SERPINA1: variants seen among roughly 807,000 people sequenced by gnomAD.
SERPINA1 encodes the protein serpin family A member 1, also known as alpha-1-antitrypsin.
In SERPINA1, 21 loss-of-function variants were observed where a neutral mutation model predicts 25.4. The ratio of observed to expected loss-of-function variants is 0.83; its 90% CI spans 0.59 to 1.19. The LOEUF (loss-of-function observed/expected upper bound fraction) is 1.19, where lower values mean the gene tolerates loss of function less well. Among genes scored for constraint, SERPINA1 ranks in the 50% most tolerant of loss-of-function variants. The pLI, the probability that SERPINA1 is intolerant of heterozygous loss-of-function variation, is 0.00. For synonymous variants in SERPINA1, 218 were observed against 211.1 expected, an observed-to-expected ratio of 1.03 and a Z score of -0.29; for missense variants, 546 against 509.0, an observed-to-expected ratio of 1.07 and a Z score of -0.70.
chr14:94,387,041 G>T (rs910244288), intron 1 of SERPINA1, among the ~76,000 whole-genome samples: 1 of 152,196 alleles, frequency 6.6e-6, no homozygotes, highest in Non-Finnish European at 1.5e-5. Context: ...TGTTTTGTCT[G>T]GGATTAAACA....
rs1555369198 is a variant in SERPINA1, at chr14:94,383,048, G to T, written c.190C>A (p.Gln64Lys). The T allele has an allele frequency of 1.2e-6, 2 of 1,613,292 alleles. No individual in the cohort carries two copies. Among genetic ancestry groups the T allele is most frequent in the Admixed American group, 3.3e-5 (2 of 60,018 alleles). ...LAEFAFSLYR[Q>K]LAHQSNSTNI... ...GTGCTGTTGGACTGGTGTGCCAGCT[G>T]GCGGTATAGGCTGAAGGCGAACTCA... Residue 64 changes from glutamine (Q) to lysine (K), a missense_variant, in exon 2 of 5, where the codon CAG (glutamine) becomes AAG (lysine). Gln to Lys is a moderately conservative substitution (Grantham distance 53, BLOSUM62 1). Coordinates refer to ENST00000393087, the MANE Select transcript of SERPINA1 (RefSeq NM_000295.5).
At chr14:94,378,734 C>T in intron 4 of SERPINA1, 94 bp from the exon 5 acceptor site, 2 of 1,269,148 alleles carry the variant, frequency 1.6e-6, no homozygotes, top group Non-Finnish European at 2.2e-6. Flanking sequence ...CTCACTCCCC[C>T]TGGACGGCCC....
chr14:94,387,681 C>T (rs1412795322), intron 1 of SERPINA1, among the ~76,000 whole-genome samples: 1 of 152,184 alleles, frequency 6.6e-6, no homozygotes, highest in Non-Finnish European at 1.5e-5. Context: ...AACAGTGACA[C>T]TAGGGCCAGG....
intron 1 of SERPINA1, among the ~76,000 whole-genome samples, chr14:94,388,222 G>A (rs973218223): frequency 6.6e-6 from 1 of 152,162 alleles, no homozygotes; most frequent in Non-Finnish European, 1.5e-5. Context: ...AAATGGCTGC[G>A]CTTTGTTGCT....
chr14:94,381,129 C>G lies in SERPINA1; in HGVS notation c.659G>C (p.Arg220Thr). Residue 220 changes from arginine (R) to threonine (T), a missense_variant, in exon 3 of 5, where the codon AGA (arginine) becomes ACA (threonine). Transcript: ENST00000393087. ...CTCGGTGTCCTTGACTTCAAAGGGT[C>G]TCTCCCATTTGCCTGGAGAGAGGGG... The part of the protein sequence containing the change: ...NYIFFKGKWE[R>T]PFEVKDTEEE... 6.2e-7 allele frequency: 1 copy of G among 1,612,556 alleles called. No individual in the cohort carries two copies. Among genetic ancestry groups the G allele is most frequent in the Middle Eastern group, 1.7e-4 (1 of 5,960 alleles).
At chr14:94,387,582 A>G (rs1221526681) in intron 1 of SERPINA1, among the ~76,000 whole-genome samples, 1 of 152,200 alleles carries the variant, frequency 6.6e-6, no homozygotes, top group Non-Finnish European at 1.5e-5. Flanking sequence ...AGAGAGGTTG[A>G]GCAACTGTCT....
At chr14:94,378,767 C>T (rs1409784495) in intron 4 of SERPINA1, 127 bp from the exon 5 acceptor site, 2 of 997,838 alleles carry the variant, frequency 2.0e-6, no homozygotes, top group Non-Finnish European at 3.1e-6. Flanking sequence ...TCCTCTCCCT[C>T]CCTGTCACAT....
In SERPINA1 at chr14:94,382,963, G is replaced by A. The variant is rs1490133295; in HGVS notation, c.275C>T (p.Thr92Ile). The A allele has an allele frequency of 1.5e-5, 24 of 1,608,496 alleles. No individual in the cohort carries two copies. In the Admixed American group the frequency reaches 3.8e-4, roughly 26 times the overall value. Residue 92 changes from threonine to isoleucine, a missense_variant, in exon 2 of 5, where the codon ACC becomes ATC. Thr to Ile is a moderately conservative substitution (Grantham distance 89, BLOSUM62 -1). Coordinates refer to ENST00000393087, the MANE Select transcript of SERPINA1 (RefSeq NM_000295.5). The stretch of plus-strand genomic sequence containing the variant: ...GATTTCATCGTGAGTGTCAGCCTTG[G>A]TCCCCAGGGAGAGCATTGCAAAGGC... Reference protein sequence around the residue: ...ATAFAMLSLGTKADTHDEILE... With the variant: ...ATAFAMLSLGIKADTHDEILE...
rs1189332784 is a variant in SERPINA1 at position 94,378,055 on chromosome 14, G to A, written c.*394C>T. Reference sequence around the variant, plus strand: ...GGGGGGGAGTGGGGGATGAGCAGGGGGACATGAAGATGCTTGGTGGAGCCT... The same window carrying A: ...GGGGGGGAGTGGGGGATGAGCAGGGAGACATGAAGATGCTTGGTGGAGCCT... On this transcript the variant is annotated 3_prime_UTR_variant, in exon 5 of 5. Coordinates refer to ENST00000393087, the MANE Select transcript of SERPINA1 (RefSeq NM_000295.5). The A allele has an allele frequency of 8.8e-6, 2 of 226,932 alleles. No individual in the cohort carries two copies. The highest frequency in any genetic ancestry group is 5.2e-5 in the Admixed American group (1 of 19,398). 14.1% of individuals were successfully genotyped at this position (226,932 alleles called of 1,614,324 possible).
intron 4 of SERPINA1, among the ~76,000 whole-genome samples, chr14:94,378,848 C>A (rs1306077290): frequency 6.6e-6 from 1 of 152,248 alleles, no homozygotes; most frequent in Non-Finnish European, 1.5e-5. Flanking sequence ...TGACAAGCGC[C>A]TCTCCCCCTG....
At chr14:94,380,618 G>T in intron 3 of SERPINA1, 1 of 562,408 alleles carries the variant, frequency 1.8e-6, no homozygotes, top group Non-Finnish European at 3.2e-6. Context: ...TGTCCACACT[G>T]GAGTGGGAAG....
chr14:94,377,481 A>G lies in SERPINA1; in HGVS notation c.*968T>C, dbSNP rs1243166. 106,307 of 152,272 alleles carry G rather than the reference A, an allele frequency of 0.7. 37,393 individuals carry two copies. Among genetic ancestry groups the G allele is most frequent in the African/African-American group, 0.77 (31,962 of 41,516 alleles). 9.4% of individuals were successfully genotyped at this position (152,272 alleles called of 1,614,324 possible). A position where few individuals can be genotyped will look rare whatever the true frequency, so the allele number is the denominator to read the frequency against. On this transcript the variant is annotated 3_prime_UTR_variant, in exon 5 of 5. Coordinates refer to ENST00000393087, the MANE Select transcript of SERPINA1 (RefSeq NM_000295.5). ...GCATGTGGCCCCAGTCGGGACTCAGAGGAGGAAAGGGAGGGGTTGCGGGGG... is the reference window on the plus strand; with the variant it reads ...GCATGTGGCCCCAGTCGGGACTCAGGGGAGGAAAGGGAGGGGTTGCGGGGG...
Position 94,385,390 on chromosome 14 carries a change from G to A in SERPINA1, c.-4-2149C>T, listed in dbSNP as rs556743412. Among the ~76,000 whole-genome samples the A allele has an allele frequency of 3.3e-4, 51 of 152,334 alleles. 1 individual carries two copies. The South Asian group carries it at 8.1e-3, about 24-fold the overall frequency. On this transcript the variant is annotated intron_variant, in intron 1 of 4. Coordinates refer to ENST00000393087, the MANE Select transcript of SERPINA1 (RefSeq NM_000295.5). ...ATCTGCCAGGGTGGAGTGCAGTGGCGTGATCTCGGCTCACTGAAACCTCCA... is the reference window on the plus strand; with the variant it reads ...ATCTGCCAGGGTGGAGTGCAGTGGCATGATCTCGGCTCACTGAAACCTCCA...
chr14:94,379,318 G>T, intron 4 of SERPINA1, 146 bp downstream of exon 4: 1 of 1,217,128 alleles, frequency 8.2e-7, no homozygotes, highest in Non-Finnish European at 1.2e-6. Flanking sequence ...TCCCGTGTCA[G>T]TGAATCACGG....
chr14:94,383,887 T>C (rs1299028264), intron 1 of SERPINA1: 1 of 152,584 alleles, frequency 6.6e-6, no homozygotes, highest in Non-Finnish European at 1.5e-5. Context: ...GGAGGGGCTG[T>C]GATTAAACCT....
intron 1 of SERPINA1, 41 bp from the exon 2 acceptor site, chr14:94,383,282 C>T (rs1897093349): frequency 6.3e-7 from 1 of 1,588,912 alleles, no homozygotes; most frequent in South Asian, 1.1e-5. Context: ...CGAGTCAAGG[C>T]ACATGATGAC....
chr14:94,389,320 G>A (rs1042197235), upstream of SERPINA1, among the ~76,000 whole-genome samples: 1 of 152,228 alleles, frequency 6.6e-6, no homozygotes, highest in Non-Finnish European at 1.5e-5. Flanking sequence ...TCATTCCCAA[G>A]CATGCTTGTG....
intron 1 of SERPINA1, among the ~76,000 whole-genome samples, chr14:94,385,850 C>T (rs1360031532): frequency 3.3e-5 from 5 of 152,148 alleles, no homozygotes; most frequent in Non-Finnish European, 2.9e-5. Context: ...CTCTGGTTTC[C>T]TCCTTTCACA....
At chr14:94,386,674 C>T (rs983642852) in intron 1 of SERPINA1, among the ~76,000 whole-genome samples, 9 of 152,118 alleles carry the variant, frequency 5.9e-5, no homozygotes, top group African/African-American at 1.4e-4. Context: ...GATTTCTTCC[C>T]GGAGAGCCTG....
Sources: allele counts gnomAD v4.1 joint callset (sites outside exome capture counted in the v4.1 genomes callset), GRCh38; gene constraint gnomAD v4.1.1; transcripts MANE v1.5; gene names NCBI Gene and HGNC (gene_info 2026-07-23, HGNC 2026-07-21).